The following FMN2 variants were observed in gnomAD, a reference collection of about 807,000 sequenced individuals.
FMN2 encodes formin 2.
A neutral mutation model predicts 142.3 loss-of-function variants in FMN2; 51 were observed. The ratio of observed to expected loss-of-function variants is 0.36; its 90% CI spans 0.29 to 0.45. FMN2 has a LOEUF of 0.45. FMN2 is among the 20% of genes least tolerant of loss of function. The pLI, the probability that FMN2 is intolerant of heterozygous loss-of-function variation, is 1.00. For missense variants in FMN2, 1,936 were observed against 2,122.8 expected (o/e 0.91, Z 1.73); for synonymous variants, 882 against 869.8 (o/e 1.01, Z -0.25).
intron 6 of FMN2, among the ~76,000 whole-genome samples, chr1:240,244,457 T>A (rs1356066219): frequency 6.6e-6 from 1 of 152,252 alleles, no homozygotes; most frequent in Non-Finnish European, 1.5e-5. Context: ...ATGCATACTA[T>A]GTTTAAACTT....
At chr1:240,324,334 G>A (rs1408741821) in intron 8 of FMN2, among the ~76,000 whole-genome samples, 2 of 152,124 alleles carry the variant, frequency 1.3e-5, no homozygotes, top group Non-Finnish European at 2.9e-5. Context: ...TGATGAAAAC[G>A]ATTTTTAAAA....
chr1:240,258,428 C>T (rs1404529081), intron 7 of FMN2, among the ~76,000 whole-genome samples: 2 of 152,112 alleles, frequency 1.3e-5, no homozygotes, highest in African/African-American at 4.8e-5. Context: ...CTGCCATCTT[C>T]TCCATGTATC....
intron 14 of FMN2, among the ~76,000 whole-genome samples, chr1:240,370,788 C>G (rs144731565): frequency 3.9e-5 from 6 of 152,252 alleles, no homozygotes; most frequent in African/African-American, 1.4e-4. Flanking sequence ...ACCGTATAAT[C>G]ACCAATAACC....
Position 240,357,514 on chromosome 1 carries a change from G to A in FMN2, c.4858+1606G>A, listed in dbSNP as rs528209248. 2.0e-5 allele frequency among the ~76,000 whole-genome samples: 3 copies of A among 152,190 alleles called. No homozygotes were observed. In the South Asian group the frequency reaches 6.2e-4, roughly 32 times the overall value. Reference sequence around the variant, plus strand: ...TTTGAAAGGCAGTTAGAGGTGTTTAGGATTTGTCTAGTAGTTCCCTGGTAG... The same window carrying A: ...TTTGAAAGGCAGTTAGAGGTGTTTAAGATTTGTCTAGTAGTTCCCTGGTAG... On this transcript the variant is annotated intron_variant, in intron 14 of 17. Coordinates refer to ENST00000319653, the MANE Select transcript of FMN2 (RefSeq NM_020066.5).
At chr1:240,098,096 A>ATTTTTTTTTTTTTT (rs1558293621) in intron 1 of FMN2, among the ~76,000 whole-genome samples, 3 of 81,194 alleles carry the variant, frequency 3.7e-5, no homozygotes, top group African/African-American at 2.1e-4. Flanking sequence ...GGTTATCTTG[A>ATTTTTTTTTTTTTT]ATTTTTTTTT....
chr1:240,336,553 CAA>C (rs552135436), intron 13 of FMN2, among the ~76,000 whole-genome samples: 2,005 of 50,066 alleles, frequency 0.04, 76 homozygotes, highest in African/African-American at 0.094. Flanking sequence ...TGGTATTCTC[CAA>C]AAAAAAAAAA....
intron 15 of FMN2, among the ~76,000 whole-genome samples, chr1:240,394,117 G>A (rs1241470247): frequency 2.6e-5 from 4 of 152,212 alleles, no homozygotes; most frequent in African/African-American, 7.2e-5. Context: ...GGGTTAGGCA[G>A]TCACAATGGG....
chr1:240,130,577 T>C (rs1662695894), intron 2 of FMN2, among the ~76,000 whole-genome samples: 1 of 152,238 alleles, frequency 6.6e-6, no homozygotes. Flanking sequence ...ATGCTGGGAT[T>C]ACAGGCGTGA....
At chr1:240,388,712 A>C (rs1041053716) in intron 14 of FMN2, among the ~76,000 whole-genome samples, 1 of 152,018 alleles carries the variant, frequency 6.6e-6, no homozygotes, top group Non-Finnish European at 1.5e-5. Flanking sequence ...AACTACAAAA[A>C]TTAGCTGGGT....
At chr1:240,350,665 G>A (rs188808691) in intron 13 of FMN2, among the ~76,000 whole-genome samples, 97 of 152,306 alleles carry the variant, frequency 6.4e-4, no homozygotes, top group African/African-American at 2.2e-3. Flanking sequence ...AGAAGAACTG[G>A]ACTTGCATCC....
At chr1:240,411,993 GA>G (rs1440294206) in intron 15 of FMN2, among the ~76,000 whole-genome samples, 1 of 152,186 alleles carries the variant, frequency 6.6e-6, no homozygotes, top group African/African-American at 2.4e-5. Context: ...AGCAGAAAGA[GA>G]GAGTCCACGT....
At chr1:240,159,946 TATATCTATA>T in intron 2 of FMN2, among the ~76,000 whole-genome samples, 1 of 113,148 alleles carries the variant, frequency 8.8e-6, no homozygotes, top group African/African-American at 3.0e-5. Flanking sequence ...TGTATATATA[TATATCTATA>T]TCTGTGTATA....
intron 4 of FMN2, among the ~76,000 whole-genome samples, chr1:240,194,108 T>C (rs1665820661): frequency 8.5e-6 from 1 of 117,504 alleles, no homozygotes; most frequent in South Asian, 3.0e-4. Flanking sequence ...ATCTGTCTTA[T>C]ACATGTTTCT....
intron 2 of FMN2, among the ~76,000 whole-genome samples, chr1:240,128,751 C>G (rs1052262994): frequency 1.3e-5 from 2 of 152,166 alleles, no homozygotes; most frequent in African/African-American, 4.8e-5. Context: ...AAAGATGAAG[C>G]TGTTAATCAA....
intron 15 of FMN2, among the ~76,000 whole-genome samples, chr1:240,436,534 G>A (rs921834464): frequency 3.3e-5 from 5 of 151,856 alleles, no homozygotes; most frequent in Admixed American, 6.6e-5. Context: ...AAAATTAGCC[G>A]GGCATGGTGG....
At chr1:240,105,583 T>C (rs1401674706) in intron 1 of FMN2, among the ~76,000 whole-genome samples, 1 of 152,184 alleles carries the variant, frequency 6.6e-6, no homozygotes, top group Non-Finnish European at 1.5e-5. Flanking sequence ...AGATCATCTT[T>C]TATTCATTTT....
chr1:240,150,864 C>T (rs1290446846), intron 2 of FMN2, among the ~76,000 whole-genome samples: 1 of 152,016 alleles, frequency 6.6e-6, no homozygotes, highest in Non-Finnish European at 1.5e-5. Context: ...TGCAGAAGTC[C>T]CTAAATGTAT....
intron 2 of FMN2, among the ~76,000 whole-genome samples, chr1:240,146,532 A>G (rs12033582): frequency 0.6 from 91,347 of 151,404 alleles, 27,635 homozygotes; most frequent in South Asian, 0.73. Flanking sequence ...GTGAAACCCC[A>G]TCTCTACTAA....
chr1:240,155,077 G>A (rs1336855310), intron 2 of FMN2, among the ~76,000 whole-genome samples: 1 of 151,750 alleles, frequency 6.6e-6, no homozygotes, highest in Non-Finnish European at 1.5e-5. Flanking sequence ...TTCTTGTAAA[G>A]ACAGGGTTTC....
Sources: allele counts gnomAD v4.1 joint callset (sites outside exome capture counted in the v4.1 genomes callset), GRCh38; gene constraint gnomAD v4.1.1; transcripts MANE v1.5; gene names NCBI Gene and HGNC (gene_info 2026-07-23, HGNC 2026-07-21).